Variants in RNF150 observed in about 807,000 individuals in gnomAD.
RNF150 encodes the protein ring finger protein 150.
Under a neutral mutation model 39.3 loss-of-function variants are expected in RNF150, and 24 were observed. The observed-to-expected ratio is 0.61, with a 90% CI of 0.44 to 0.86. RNF150 has a LOEUF of 0.86. Ranked by LOEUF, RNF150 falls within the 40% of genes least tolerant of loss-of-function variation. The pLI is 0.00. For missense variants in RNF150, 502 were observed against 587.8 expected (o/e 0.85, Z 1.51); for synonymous variants, 255 against 227.3 (o/e 1.12, Z -1.10).
chr4:141,037,323 C>T (rs888769797), intron 1 of RNF150, among the ~76,000 whole-genome samples: 7 of 152,052 alleles, frequency 4.6e-5, no homozygotes, highest in Non-Finnish European at 8.8e-5. Flanking sequence ...GTCAATACTT[C>T]GTAATTTATA....
intron 1 of RNF150, among the ~76,000 whole-genome samples, chr4:141,205,236 T>C (rs750445356): frequency 2.0e-5 from 3 of 152,182 alleles, no homozygotes; most frequent in Non-Finnish European, 4.4e-5. Flanking sequence ...CCTAAGCATC[T>C]AGTACAGGTA....
intron 1 of RNF150, among the ~76,000 whole-genome samples, chr4:141,116,969 C>T (rs1035377793): frequency 1.3e-5 from 2 of 151,066 alleles, no homozygotes; most frequent in Non-Finnish European, 2.9e-5. Flanking sequence ...GGAAGGGGAA[C>T]ATCACACACC....
intron 1 of RNF150, among the ~76,000 whole-genome samples, chr4:141,031,358 G>A (rs923175380): frequency 1.3e-5 from 2 of 151,588 alleles, no homozygotes; most frequent in Non-Finnish European, 1.5e-5. Context: ...ATTTTTTTTG[G>A]GTAAGAGCTA....
intron 1 of RNF150, among the ~76,000 whole-genome samples, chr4:141,151,210 C>T (rs1157521479): frequency 6.6e-6 from 1 of 152,086 alleles, no homozygotes; most frequent in African/African-American, 2.4e-5. Context: ...TCCCAAAGTG[C>T]TGGGATTACA....
chr4:141,051,711 T>C (rs747243744), intron 1 of RNF150, among the ~76,000 whole-genome samples: 1 of 152,172 alleles, frequency 6.6e-6, no homozygotes, highest in Non-Finnish European at 1.5e-5. Flanking sequence ...GGCATTTTGG[T>C]CAAAGCCATT....
rs185854319 is a variant in RNF150, at chr4:141,120,378, G to C, written c.484+11947C>G. Among the ~76,000 whole-genome samples the C allele has an allele frequency of 1.3e-4, 20 of 152,210 alleles. No individual in the cohort carries two copies. In the East Asian group the frequency reaches 2.7e-3, roughly 21 times the overall value. ...GTAAATAAGACTGATAGGAGAATCT[G>C]AAAAAATTGAGGGTGGTGACTGGGT... On this transcript the variant is annotated intron_variant, in intron 1 of 6. Coordinates refer to ENST00000515673, the MANE Select transcript of RNF150 (RefSeq NM_020724.2).
At chr4:140,935,768 G>T (rs967658513) in intron 4 of RNF150, among the ~76,000 whole-genome samples, 2 of 151,978 alleles carry the variant, frequency 1.3e-5, no homozygotes, top group African/African-American at 4.8e-5. Flanking sequence ...AGCTTCTTTG[G>T]TACTTAAGTT....
At chr4:140,996,203 T>C (rs1349195793) in intron 1 of RNF150, among the ~76,000 whole-genome samples, 2 of 152,208 alleles carry the variant, frequency 1.3e-5, no homozygotes, top group Non-Finnish European at 1.5e-5. Flanking sequence ...ATAGTAGTTT[T>C]GATTTGCGTT....
intron 5 of RNF150, among the ~76,000 whole-genome samples, chr4:140,925,156 C>T (rs981759300): frequency 2.0e-5 from 3 of 152,156 alleles, no homozygotes; most frequent in Non-Finnish European, 2.9e-5. Flanking sequence ...TACACAGCAC[C>T]GTATGGTTTC....
intron 1 of RNF150, among the ~76,000 whole-genome samples, chr4:141,028,385 T>C (rs753527484): frequency 6.6e-5 from 10 of 152,154 alleles, no homozygotes; most frequent in Non-Finnish European, 1.3e-4. Flanking sequence ...AACCATTTGC[T>C]TAGTCATTTA....
At chr4:141,178,774 T>C (rs1210227024) in intron 1 of RNF150, among the ~76,000 whole-genome samples, 1 of 145,986 alleles carries the variant, frequency 6.8e-6, no homozygotes, top group Non-Finnish European at 1.5e-5. Flanking sequence ...AGTTCAATAT[T>C]GTTCATGTTG....
intron 1 of RNF150, among the ~76,000 whole-genome samples, chr4:141,062,685 G>A (rs967370710): frequency 7.2e-5 from 11 of 151,948 alleles, no homozygotes; most frequent in Admixed American, 2.6e-4. Flanking sequence ...TAATTTCAAC[G>A]TGCATTTTAG....
chr4:140,935,738 T>A (rs2111345717), intron 4 of RNF150, among the ~76,000 whole-genome samples: 1 of 152,332 alleles, frequency 6.6e-6, no homozygotes, highest in African/African-American at 2.4e-5. Flanking sequence ...TGAACTGTTG[T>A]TTTTAAAATT....
intron 1 of RNF150, among the ~76,000 whole-genome samples, chr4:140,972,784 C>G (rs1446597773): frequency 6.6e-6 from 1 of 152,086 alleles, no homozygotes; most frequent in Admixed American, 6.6e-5. Flanking sequence ...CTGTTGAGGA[C>G]TGAACTCATT....
At chr4:141,209,697 A>C (rs1404648374) in intron 1 of RNF150, among the ~76,000 whole-genome samples, 1 of 152,112 alleles carries the variant, frequency 6.6e-6, no homozygotes, top group African/African-American at 2.4e-5. Context: ...ATTCATAGTT[A>C]AAACCAAATC....
intron 1 of RNF150, among the ~76,000 whole-genome samples, chr4:141,016,184 G>T (rs757588740): frequency 6.6e-6 from 1 of 152,008 alleles, no homozygotes; most frequent in Non-Finnish European, 1.5e-5. Flanking sequence ...AGCCCTTAAC[G>T]TTGTGTTTCC....
At chr4:141,185,046 G>A (rs1053624047) in intron 1 of RNF150, among the ~76,000 whole-genome samples, 11 of 151,754 alleles carry the variant, frequency 7.2e-5, no homozygotes, top group African/African-American at 2.7e-4. Context: ...TTTAAAGTAG[G>A]GTTTTCTAGT....
intron 1 of RNF150, among the ~76,000 whole-genome samples, chr4:140,987,219 T>A (rs1734044893): frequency 6.6e-6 from 1 of 152,082 alleles, no homozygotes; most frequent in Non-Finnish European, 1.5e-5. Flanking sequence ...TCAATACTAT[T>A]CCTATCAAAA....
chr4:141,149,144 A>T (rs1371852207), intron 1 of RNF150, among the ~76,000 whole-genome samples: 1 of 152,246 alleles, frequency 6.6e-6, no homozygotes, highest in Non-Finnish European at 1.5e-5. Flanking sequence ...GGATTTCAAG[A>T]ATCATCAAAA....
Sources: allele counts gnomAD v4.1 joint callset (sites outside exome capture counted in the v4.1 genomes callset), GRCh38; gene constraint gnomAD v4.1.1; transcripts MANE v1.5; gene names NCBI Gene and HGNC (gene_info 2026-07-23, HGNC 2026-07-21).